The following BAZ2B variants were observed in gnomAD, a reference collection of about 807,000 sequenced individuals.
BAZ2B encodes the protein bromodomain adjacent to zinc finger domain protein 2B.
Under a neutral mutation model 246.0 loss-of-function variants are expected in BAZ2B, and 91 were observed. That is an observed-to-expected ratio of 0.37 (90% CI 0.31 to 0.44). BAZ2B has a LOEUF of 0.44. Among genes scored for constraint, BAZ2B ranks in the 20% least tolerant of loss-of-function variants. The pLI is 1.00. For missense variants in BAZ2B, 2,332 were observed against 2,533.7 expected (o/e 0.92, Z 1.71); for synonymous variants, 855 against 860.0 (o/e 0.99, Z 0.10).
the BAZ2B span, among the ~76,000 whole-genome samples, chr2:159,688,871 T>C: frequency 6.6e-6 from 1 of 152,260 alleles, no homozygotes; most frequent in African/African-American, 2.4e-5. Context: ...AGAAGCGATG[T>C]GCTCTTGTGA....
At chr2:159,340,663 G>T (rs2066521429) in intron 31 of BAZ2B, among the ~76,000 whole-genome samples, 1 of 151,460 alleles carries the variant, frequency 6.6e-6, no homozygotes, top group Non-Finnish European at 1.5e-5. Context: ...TACCAGCCAA[G>T]AAAGCCTTCA....
At chr2:159,434,362 T>C (rs1377657696) in intron 8 of BAZ2B, 1 of 151,994 alleles carries the variant, frequency 6.6e-6, no homozygotes, top group African/African-American at 2.4e-5. Context: ...GGTTGCACCA[T>C]GTTGGCCAGG....
chr2:159,398,714 A>G, intron 18 of BAZ2B, 115 bp downstream of exon 18: 2 of 898,066 alleles, frequency 2.2e-6, no homozygotes, highest in Non-Finnish European at 3.3e-6. Context: ...TATCTGCTAA[A>G]CATATTTTCA....
chr2:159,691,571 G>A, the BAZ2B span, among the ~76,000 whole-genome samples: 12 of 151,950 alleles, frequency 7.9e-5, no homozygotes, highest in African/African-American at 2.7e-4. Flanking sequence ...GTCTGAAATG[G>A]AAAAAAAGGC....
At chr2:159,668,249 T>C in the BAZ2B span, among the ~76,000 whole-genome samples, 5 of 152,136 alleles carry the variant, frequency 3.3e-5, no homozygotes, top group Non-Finnish European at 1.5e-5. Flanking sequence ...TAGTAGTTGC[T>C]TTTGCAGAGG....
rs1268409133 is a variant in BAZ2B at position 159,591,926 on chromosome 2, G to A, written c.-46+24316C>T. Among the ~76,000 whole-genome samples, 8 of 152,166 alleles carry A rather than the reference G, an allele frequency of 5.3e-5. No homozygotes were observed. In the East Asian group the frequency reaches 1.5e-3, roughly 29 times the overall value. Reference sequence around the variant, plus strand: ...CAGCTACATTCAAGCTTTAGACGAGGCTGGGCAGCAAGGCAAGACGCTATC... The same window carrying A: ...CAGCTACATTCAAGCTTTAGACGAGACTGGGCAGCAAGGCAAGACGCTATC... On this transcript the variant is annotated intron_variant, in intron 1 of 36. Transcript: ENST00000392783.
chr2:159,445,899 A>G (rs2074169365), intron 6 of BAZ2B, among the ~76,000 whole-genome samples: 1 of 152,150 alleles, frequency 6.6e-6, no homozygotes, highest in Admixed American at 6.5e-5. Flanking sequence ...GGATCCCTTG[A>G]GCTCAGGTGT....
intron 27 of BAZ2B, among the ~76,000 whole-genome samples, chr2:159,368,073 G>C (rs2060415764): frequency 6.6e-6 from 1 of 152,098 alleles, no homozygotes; most frequent in African/African-American, 2.4e-5. Context: ...GTCTTCATAC[G>C]TGCTGTATCT....
chr2:159,397,727 T>A (rs1225168940), intron 18 of BAZ2B, among the ~76,000 whole-genome samples: 7 of 152,178 alleles, frequency 4.6e-5, no homozygotes, highest in Admixed American at 6.6e-5. Context: ...TCAGAGCCTA[T>A]CAGATATAAC....
chr2:159,457,333 T>C (rs1476202415), intron 3 of BAZ2B, among the ~76,000 whole-genome samples: 1 of 152,212 alleles, frequency 6.6e-6, no homozygotes, highest in Non-Finnish European at 1.5e-5. Flanking sequence ...GGTACTGTCA[T>C]ATACAGGACT....
chr2:159,598,720 G>T (rs978244342), intron 1 of BAZ2B, among the ~76,000 whole-genome samples: 4 of 151,500 alleles, frequency 2.6e-5, no homozygotes, highest in African/African-American at 9.7e-5. Context: ...ACAAAAATTA[G>T]CCAGGCACCT....
chr2:159,360,742 C>A (rs1306589297), intron 27 of BAZ2B, among the ~76,000 whole-genome samples: 1 of 152,006 alleles, frequency 6.6e-6, no homozygotes, highest in Non-Finnish European at 1.5e-5. Context: ...GGTACTGGTA[C>A]CAAAACAGAT....
In BAZ2B at chr2:159,503,461, C is replaced by T. The variant is rs905408228; in HGVS notation, c.-2-24740G>A. On this transcript the variant is annotated intron_variant, in intron 2 of 36. Coordinates refer to ENST00000392783, the MANE Select transcript of BAZ2B (RefSeq NM_013450.4). The stretch of plus-strand genomic sequence containing the variant: ...ATGTGTAACTTCTAAGGAACTGTTC[C>T]GACTCACAAGGAAGTCTTAGGTCCT... 7.2e-5 allele frequency among the ~76,000 whole-genome samples: 11 copies of T among 152,154 alleles called. No homozygotes were observed. The East Asian group carries it at 9.6e-4, about 13-fold the overall frequency.
At chr2:159,438,190 G>A in intron 8 of BAZ2B, 113 bp downstream of exon 8, 2 of 988,146 alleles carry the variant, frequency 2.0e-6, no homozygotes, top group Non-Finnish European at 2.9e-6. Context: ...TGGAGACTAA[G>A]AAAGTATAAA....
At chr2:159,584,113 T>C (rs1687484453) in intron 1 of BAZ2B, among the ~76,000 whole-genome samples, 2 of 142,874 alleles carry the variant, frequency 1.4e-5, no homozygotes, top group Admixed American at 7.0e-5. Flanking sequence ...AGGAGGGATG[T>C]AATCTGATTT....
At chr2:159,506,161 A>T (rs1226728694) in intron 2 of BAZ2B, among the ~76,000 whole-genome samples, 1 of 151,846 alleles carries the variant, frequency 6.6e-6, no homozygotes, top group Non-Finnish European at 1.5e-5. Flanking sequence ...CAGGACCTCC[A>T]CCCCTCCGAA....
chr2:159,594,300 C>G (rs934429240), intron 1 of BAZ2B, among the ~76,000 whole-genome samples: 1 of 151,928 alleles, frequency 6.6e-6, no homozygotes, highest in Non-Finnish European at 1.5e-5. Context: ...CCAGCTACTC[C>G]GGAGGCTAAG....
intron 20 of BAZ2B, among the ~76,000 whole-genome samples, chr2:159,394,801 T>C (rs529863383): frequency 3.3e-5 from 5 of 152,286 alleles, no homozygotes; most frequent in Middle Eastern, 3.4e-3. Context: ...ATTTTATAGA[T>C]GAAATGAATC....
chr2:159,643,791 G>A, the BAZ2B span, among the ~76,000 whole-genome samples: 8 of 148,980 alleles, frequency 5.4e-5, no homozygotes, highest in African/African-American at 1.2e-4. Flanking sequence ...CAGGAGAATC[G>A]CTTGAACCCA....
Sources: allele counts gnomAD v4.1 joint callset (sites outside exome capture counted in the v4.1 genomes callset), GRCh38; gene constraint gnomAD v4.1.1; transcripts MANE v1.5; gene names NCBI Gene and HGNC (gene_info 2026-07-23, HGNC 2026-07-21).